Variants in VPS13D observed in about 807,000 individuals in gnomAD.
VPS13D encodes the protein intermembrane lipid transfer protein VPS13D.
Under a neutral mutation model 461.9 loss-of-function variants are expected in VPS13D, and 187 were observed. The observed-to-expected ratio is 0.40, with a 90% CI of 0.36 to 0.46. The LOEUF (loss-of-function observed/expected upper bound fraction) is 0.46, where lower values mean the gene tolerates loss of function less well. Among genes scored for constraint, VPS13D ranks in the 20% least tolerant of loss-of-function variants. The probability of loss-of-function intolerance (pLI) is 0.60; values close to 1 mark genes in which losing one functional copy is unlikely to be tolerated. For synonymous variants in VPS13D, 1,951 were observed against 1,986.3 expected, an observed-to-expected ratio of 0.98 and a Z score of 0.47; for missense variants, 4,711 against 5,364.9, an observed-to-expected ratio of 0.88 and a Z score of 3.81.
chr1:12,268,854 C>T lies in VPS13D; in HGVS notation c.1950C>T (p.Tyr650=). 4 of 1,612,994 alleles carry T rather than the reference C, an allele frequency of 2.5e-6. No individual in the cohort carries two copies. Among genetic ancestry groups the T allele is most frequent in the Non-Finnish European group, 3.4e-6 (4 of 1,179,646 alleles). Residue 650 remains tyrosine (Y), a synonymous_variant, in exon 16 of 70, where the codon TAC becomes TAT. Transcript: ENST00000620676. ...TTAAAAAAGTAGCAGACTTTTTCTA[C>T]AAGGGAAAGGTTCATACCTCAGGTT... ...QAIKKVADFF[Y]KGKVHTSGFG... is the part of the protein sequence containing the mutation.
chr1:12,377,960 G>A (rs929756984), intron 55 of VPS13D, among the ~76,000 whole-genome samples: 12 of 152,088 alleles, frequency 7.9e-5, no homozygotes, highest in African/African-American at 2.7e-4. Context: ...AAACATTCGG[G>A]ACGGGGAGGA....
At chr1:12,326,127 C>T (rs1643176328) in intron 35 of VPS13D, among the ~76,000 whole-genome samples, 2 of 151,228 alleles carry the variant, frequency 1.3e-5, no homozygotes. Context: ...ATTAACTTAC[C>T]TTTTGGATTC....
intron 65 of VPS13D, among the ~76,000 whole-genome samples, chr1:12,441,467 C>T (rs1218599367): frequency 6.6e-6 from 1 of 152,118 alleles, no homozygotes; most frequent in Admixed American, 6.5e-5. Flanking sequence ...GAGATATGAA[C>T]AAATGGTCAC....
At chr1:12,389,235 G>A (rs1251983635) in intron 60 of VPS13D, among the ~76,000 whole-genome samples, 1 of 152,180 alleles carries the variant, frequency 6.6e-6, no homozygotes, top group African/African-American at 2.4e-5. Context: ...GGGTGGATCT[G>A]CCTTTCCCAG....
chr1:12,308,636 G>T lies in VPS13D; in HGVS notation c.6645G>T (p.Leu2215Phe). 1 of 1,612,746 alleles carries T rather than the reference G, an allele frequency of 6.2e-7. No individual in the cohort carries two copies. Among genetic ancestry groups the T allele is most frequent in the Non-Finnish European group, 8.5e-7 (1 of 1,179,620 alleles). ...TGAAATTGCAGGTGGAAAGGAATTT[G>T]GACAAGTGAGTGTTTTTTTTTTTTT... The part of the protein sequence containing the change: ...CRLKLQVERN[L>F]DKEISHTVPD... The change falls in exon 27 of 70, where the codon TTG becomes TTT. Residue 2215 changes from leucine (L) to phenylalanine (F), a missense_variant. Transcript: ENST00000620676.
rs1235336074 is a variant in VPS13D, at chr1:12,400,405, G to C, written c.11784+75G>C. The C allele has an allele frequency of 5.1e-6, 8 of 1,557,908 alleles. No homozygotes were observed. In the African/African-American group the frequency reaches 1.1e-4, roughly 21 times the overall value. On this transcript the variant is annotated intron_variant, in intron 61 of 69. Transcript: ENST00000620676. ...TTTGTTCTCTCACAGCCAAGTCTCA[G>C]AGCAGCAGTGCCGGGTGCTGATGGG...
chr1:12,383,741 C>T (rs1644314100), intron 58 of VPS13D, among the ~76,000 whole-genome samples: 1 of 152,208 alleles, frequency 6.6e-6, no homozygotes, highest in South Asian at 2.1e-4. Flanking sequence ...TGAGCCAGCA[C>T]AGGTCTAGGT....
chr1:12,379,136 T>TA, intron 56 of VPS13D, among the ~76,000 whole-genome samples: 1 of 152,168 alleles, frequency 6.6e-6, no homozygotes, highest in East Asian at 1.9e-4. Flanking sequence ...AATTTAGAAA[T>TA]ACAACAGAAA....
rs775717021 is a variant in VPS13D, at chr1:12,249,260, G to C, written c.485G>C (p.Gly162Ala). ...IQDVHLRFED[G>A]VTNPSHPFAF... ...GATGTCCATTTACGCTTTGAAGATG[G>C]TGTCACCAATCCCTCCCATCCTTTT... The change falls in exon 6 of 70, where the codon GGT (glycine) becomes GCT (alanine). Residue 162 changes from glycine to alanine, a missense_variant. Coordinates refer to ENST00000620676, the MANE Select transcript of VPS13D (RefSeq NM_015378.4). 1 of 1,613,714 alleles carries C rather than the reference G, an allele frequency of 6.2e-7. No homozygotes were observed. Among genetic ancestry groups the C allele is most frequent in the South Asian group, 1.1e-5 (1 of 90,946 alleles).
chr1:12,233,094 C>T (rs1484966958), intron 1 of VPS13D, among the ~76,000 whole-genome samples: 1 of 151,904 alleles, frequency 6.6e-6, no homozygotes, highest in Admixed American at 6.6e-5. Flanking sequence ...CAACCTCTGC[C>T]TCCCGGGTTC....
At chr1:12,385,412 C>A in intron 59 of VPS13D, 39 bp downstream of exon 59, 2 of 1,536,138 alleles carry the variant, frequency 1.3e-6, no homozygotes, top group South Asian at 1.2e-5. Flanking sequence ...ATTTGATCAT[C>A]AGTTTTTTAG....
intron 44 of VPS13D, among the ~76,000 whole-genome samples, chr1:12,348,356 T>A (rs1486727306): frequency 2.0e-5 from 3 of 152,238 alleles, no homozygotes; most frequent in African/African-American, 7.2e-5. Flanking sequence ...TTGTGTTGGA[T>A]GTTCTTTATT....
At chr1:12,230,408 T>A (rs2101159089) in intron 1 of VPS13D, among the ~76,000 whole-genome samples, 1 of 152,106 alleles carries the variant, frequency 6.6e-6, no homozygotes, top group African/African-American at 2.4e-5. Flanking sequence ...TGGCTGAACC[T>A]CTGGGAACCC....
rs1487757810 is a variant in VPS13D, at chr1:12,415,025, T to TATAGTATCACAGAAGGCCATCATATGA, written c.12031-61_12031-35dup. On this transcript the variant is annotated intron_variant, in intron 63 of 69. Coordinates refer to ENST00000620676, the MANE Select transcript of VPS13D (RefSeq NM_015378.4). ...TTGTAGCTTTAATGGAATCTAGAAT[T>TATAGTATCACAGAAGGCCATCATATGA]ATAGTATCACAGAAGGCCATCATAT... 2.8e-5 allele frequency: 44 copies of TATAGTATCACAGAAGGCCATCATATGA among 1,579,384 alleles called. No individual in the cohort carries two copies. The East Asian group carries it at 3.8e-4, about 14-fold the overall frequency.
intron 68 of VPS13D, among the ~76,000 whole-genome samples, chr1:12,506,439 G>A (rs972494085): frequency 2.0e-5 from 3 of 152,310 alleles, no homozygotes; most frequent in East Asian, 1.9e-4. Context: ...GTGTTTTAAC[G>A]CCAGGCTGTC....
At chr1:12,395,185 G>A (rs1324065611) in intron 60 of VPS13D, among the ~76,000 whole-genome samples, 1 of 152,162 alleles carries the variant, frequency 6.6e-6, no homozygotes, top group Non-Finnish European at 1.5e-5. Context: ...AGGCAGCATA[G>A]GATTCATCTC....
intron 67 of VPS13D, among the ~76,000 whole-genome samples, chr1:12,481,543 C>G (rs1421379086): frequency 6.6e-6 from 1 of 152,100 alleles, no homozygotes; most frequent in Non-Finnish European, 1.5e-5. Context: ...CAACTCTGAC[C>G]CAAGGGGTGT....
intron 61 of VPS13D, among the ~76,000 whole-genome samples, chr1:12,400,725 G>T (rs1418101804): frequency 6.6e-6 from 1 of 152,072 alleles, no homozygotes; most frequent in African/African-American, 2.4e-5. Context: ...GGCTAAGGCG[G>T]GTGGATCTCT....
intron 65 of VPS13D, among the ~76,000 whole-genome samples, chr1:12,437,038 C>T (rs1645071124): frequency 6.6e-6 from 1 of 152,180 alleles, no homozygotes; most frequent in Non-Finnish European, 1.5e-5. Flanking sequence ...ACAAAAACAA[C>T]AGCCTGTCAC....
Sources: gnomAD v4.1 joint callset for allele counts (sites outside exome capture counted in the v4.1 genomes callset) on GRCh38, gnomAD v4.1.1 for gene constraint, MANE v1.5 for transcripts, NCBI Gene and HGNC (gene_info 2026-07-23, HGNC 2026-07-21) for gene names.